The following COL23A1 variants were observed in gnomAD, a reference collection of about 807,000 sequenced individuals.
The protein encoded by COL23A1 is collagen alpha-1(XXIII) chain.
COL23A1 carries 97 observed loss-of-function variants against 99.3 expected under a neutral mutation model. The ratio of observed to expected loss-of-function variants is 0.98; its 90% CI spans 0.83 to 1.16. COL23A1 has a LOEUF of 1.16. Among genes scored for constraint, COL23A1 ranks in the 50% most tolerant of loss-of-function variants. The pLI is 0.00. For missense variants in COL23A1, 762 were observed against 757.4 expected, an observed-to-expected ratio of 1.01 and a Z score of -0.07; for synonymous variants, 320 against 308.2, an observed-to-expected ratio of 1.04 and a Z score of -0.40.
intron 2 of COL23A1, among the ~76,000 whole-genome samples, chr5:178,518,336 T>C (rs1178761761): frequency 6.6e-6 from 1 of 150,468 alleles, no homozygotes; most frequent in Non-Finnish European, 1.5e-5. Flanking sequence ...TTCTCAATCT[T>C]TTCCCCACCT....
At chr5:178,587,132 A>G (rs567327446) in intron 1 of COL23A1, among the ~76,000 whole-genome samples, 17 of 152,336 alleles carry the variant, frequency 1.1e-4, no homozygotes, top group African/African-American at 3.4e-4. Context: ...AACTATAGGT[A>G]TAAGATGGGG....
intron 2 of COL23A1, among the ~76,000 whole-genome samples, chr5:178,417,538 T>C (rs555476200): frequency 1.3e-5 from 2 of 152,206 alleles, no homozygotes; most frequent in Non-Finnish European, 2.9e-5. Context: ...TGCCTCCCCA[T>C]TCCATCCCCC....
chr5:178,417,411 A>T (rs1195112923), intron 2 of COL23A1, among the ~76,000 whole-genome samples: 2 of 152,198 alleles, frequency 1.3e-5, no homozygotes, highest in Non-Finnish European at 2.9e-5. Context: ...CAGTATTTTT[A>T]CAGGTAAAGA....
chr5:178,294,337 TCCCTCCCCAAATCACTACC>T (rs1313751782), intron 3 of COL23A1, among the ~76,000 whole-genome samples: 10 of 28,242 alleles, frequency 3.5e-4, no homozygotes, highest in African/African-American at 7.1e-4. Flanking sequence ...ACTACCGAGC[TCCCTCCCCAAATCACTACC>T]GAGCTCCCTC....
intron 2 of COL23A1, among the ~76,000 whole-genome samples, chr5:178,354,683 G>C (rs1408767825): frequency 6.6e-6 from 1 of 152,154 alleles, no homozygotes. Flanking sequence ...CACCATGATT[G>C]TAAGTTTCCT....
At chr5:178,512,522 G>C (rs1263086874) in intron 2 of COL23A1, among the ~76,000 whole-genome samples, 17 of 152,238 alleles carry the variant, frequency 1.1e-4, no homozygotes, top group Non-Finnish European at 4.4e-5. Context: ...GTGTGCCAGG[G>C]AGAAAGGGGC....
chr5:178,406,401 T>G (rs1411992162), intron 2 of COL23A1, among the ~76,000 whole-genome samples: 2 of 151,676 alleles, frequency 1.3e-5, no homozygotes, highest in Non-Finnish European at 2.9e-5. Context: ...CCAAAATTGA[T>G]GACATACCAA....
intron 1 of COL23A1, among the ~76,000 whole-genome samples, chr5:178,579,174 A>C (rs1682736257): frequency 6.6e-6 from 1 of 152,168 alleles, no homozygotes; most frequent in South Asian, 2.1e-4. Flanking sequence ...CCGTGTCACC[A>C]TGGGACCTCG....
chr5:178,253,136 T>C (rs1164630632), intron 16 of COL23A1, among the ~76,000 whole-genome samples: 7 of 152,150 alleles, frequency 4.6e-5, no homozygotes, highest in African/African-American at 9.7e-5. Flanking sequence ...CTCAAGCTCC[T>C]GTCCTGATCC....
intron 2 of COL23A1, among the ~76,000 whole-genome samples, chr5:178,444,157 G>A (rs1767035698): frequency 6.6e-6 from 1 of 152,130 alleles, no homozygotes; most frequent in African/African-American, 2.4e-5. Context: ...AGTAAGCTGT[G>A]ATTGCACCAC....
intron 6 of COL23A1, among the ~76,000 whole-genome samples, chr5:178,269,711 A>C (rs937111080): frequency 6.8e-6 from 1 of 147,064 alleles, no homozygotes; most frequent in Non-Finnish European, 1.5e-5. Context: ...TCCCCCACCA[A>C]TCCATCCATC....
rs1760576427 is a variant in COL23A1, at chr5:178,340,236, T to G, written c.362-33317A>C. Among the ~76,000 whole-genome samples, 1 of 152,186 alleles carries G rather than the reference T, an allele frequency of 6.6e-6. No individual in the cohort carries two copies. Among genetic ancestry groups the G allele is most frequent in the African/African-American group, 2.4e-5 (1 of 41,440 alleles). On this transcript the variant is annotated intron_variant, in intron 2 of 28. Transcript: ENST00000390654. The surrounding 1 kb of genome is among the most constrained non-coding windows in gnomAD (Gnocchi z 4.7). ...AGCCTGCTGCAGGGATGGGCCTGGC[T>G]GAGAACAAGGACACCTTTCTGACCA...
chr5:178,371,541 C>G (rs1050983820), intron 2 of COL23A1, among the ~76,000 whole-genome samples: 1 of 152,198 alleles, frequency 6.6e-6, no homozygotes, highest in Admixed American at 6.5e-5. Flanking sequence ...GCCCTGAACA[C>G]TGGACACGCG....
intron 2 of COL23A1, among the ~76,000 whole-genome samples, chr5:178,375,240 C>T (rs1287723758): frequency 6.6e-6 from 1 of 151,860 alleles, no homozygotes; most frequent in East Asian, 1.9e-4. Flanking sequence ...AGAAAGTAGA[C>T]TCGTGGTTGG....
At chr5:178,530,857 C>G (rs957002493) in intron 2 of COL23A1, among the ~76,000 whole-genome samples, 1 of 152,150 alleles carries the variant, frequency 6.6e-6, no homozygotes, top group Admixed American at 6.5e-5. Flanking sequence ...ATAGAAGATT[C>G]ATGAATGAAA....
chr5:178,347,359 G>C (rs555881936), intron 2 of COL23A1, among the ~76,000 whole-genome samples: 6 of 151,654 alleles, frequency 4.0e-5, no homozygotes, highest in Non-Finnish European at 8.8e-5. Flanking sequence ...GAAATGTCCC[G>C]AACAGGCGAA....
At chr5:178,524,391 G>A (rs1760193255) in intron 2 of COL23A1, among the ~76,000 whole-genome samples, 1 of 152,184 alleles carries the variant, frequency 6.6e-6, no homozygotes, top group Admixed American at 6.5e-5. Flanking sequence ...AGAATAACTG[G>A]GTCACATGGG....
intron 2 of COL23A1, among the ~76,000 whole-genome samples, chr5:178,402,295 A>T (rs1764493144): frequency 1.3e-5 from 2 of 151,920 alleles, no homozygotes; most frequent in South Asian, 4.2e-4. Flanking sequence ...GTTGGAGGCC[A>T]GCCTGGACAA....
At chr5:178,349,307 T>C (rs913641963) in intron 2 of COL23A1, among the ~76,000 whole-genome samples, 1 of 151,932 alleles carries the variant, frequency 6.6e-6, no homozygotes, top group African/African-American at 2.4e-5. Flanking sequence ...GAGGTCGGGG[T>C]AGGAAGCCCC....
Sources: gnomAD v4.1 joint callset for allele counts (sites outside exome capture counted in the v4.1 genomes callset) on GRCh38, gnomAD v4.1.1 for gene constraint, Gnocchi (gnomAD v3.1) non-coding constraint, MANE v1.5 for transcripts, NCBI Gene and HGNC (gene_info 2026-07-23, HGNC 2026-07-21) for gene names.